Variants in PAIP2 observed in about 807,000 individuals in gnomAD.
PAIP2 encodes the protein polyadenylate-binding protein-interacting protein 2.
In PAIP2, 7 loss-of-function variants were observed where a neutral mutation model predicts 14.8. That is an observed-to-expected ratio of 0.47 (90% CI 0.27 to 0.89). The LOEUF (loss-of-function observed/expected upper bound fraction) is 0.89, where lower values mean the gene tolerates loss of function less well. Among genes scored for constraint, PAIP2 ranks in the 40% least tolerant of loss-of-function variants. The pLI is 0.13. For missense variants in PAIP2, 122 were observed against 154.7 expected, an observed-to-expected ratio of 0.79 and a Z score of 1.12; for synonymous variants, 47 against 45.3, an observed-to-expected ratio of 1.04 and a Z score of -0.15.
chr5:139,345,329 G>A (rs1338482077), intron 1 of PAIP2, among the ~76,000 whole-genome samples: 5 of 151,886 alleles, frequency 3.3e-5, no homozygotes, highest in Admixed American at 6.5e-5. Flanking sequence ...GTGAGCCACC[G>A]CGCCCAGCCC....
At chr5:139,357,612 C>G (rs1452382379) in intron 1 of PAIP2, among the ~76,000 whole-genome samples, 2 of 152,070 alleles carry the variant, frequency 1.3e-5, no homozygotes, top group East Asian at 3.9e-4. Flanking sequence ...GCGGGCGGAT[C>G]ACGAGGTCAA....
intron 1 of PAIP2, among the ~76,000 whole-genome samples, chr5:139,345,127 G>A (rs573184007): frequency 1.3e-5 from 2 of 152,026 alleles, no homozygotes; most frequent in East Asian, 3.9e-4. Context: ...CTCACTGCAC[G>A]CTCCACCTCC....
At position 139,358,736 on chromosome 5, in the gene PAIP2, A is replaced by G. The variant is rs1756988429; in HGVS notation, c.-26-5023A>G. ...ATAGGTGAACCTTGAAAACATTGTA[A>G]TAAGTGAAAGAAGCCAGACATGAGA... On this transcript the variant is annotated intron_variant, in intron 1 of 3. Transcript: ENST00000265192. Among the ~76,000 whole-genome samples, 5 of 152,232 alleles carry G rather than the reference A, an allele frequency of 3.3e-5. No individual in the cohort carries two copies. The South Asian group carries it at 1.0e-3, about 31-fold the overall frequency.
chr5:139,348,701 A>G (rs1756634106), intron 1 of PAIP2, among the ~76,000 whole-genome samples: 1 of 134,448 alleles, frequency 7.4e-6, no homozygotes. Flanking sequence ...TTTTAAAGTC[A>G]GAGTTTCACT....
intron 1 of PAIP2, among the ~76,000 whole-genome samples, chr5:139,356,119 CAG>C (rs1263523102): frequency 2.1e-5 from 3 of 144,322 alleles, no homozygotes; most frequent in African/African-American, 7.8e-5. Context: ...GCCTGGGTGA[CAG>C]AGCAAAACTC....
chr5:139,346,898 C>T (rs1756568448), intron 1 of PAIP2, among the ~76,000 whole-genome samples: 2 of 152,154 alleles, frequency 1.3e-5, no homozygotes, highest in Non-Finnish European at 1.5e-5. Flanking sequence ...CAACCTCTGC[C>T]TCCCAGGTTC....
At chr5:139,362,654 C>T (rs1162379493) in intron 1 of PAIP2, among the ~76,000 whole-genome samples, 1 of 151,946 alleles carries the variant, frequency 6.6e-6, no homozygotes, top group Admixed American at 6.6e-5. Context: ...AGGTGATCCA[C>T]CTGCCTCGGC....
intron 1 of PAIP2, 57 bp downstream of exon 1, chr5:139,342,037 A>G (rs1226828485): frequency 6.6e-6 from 1 of 152,642 alleles, no homozygotes; most frequent in African/African-American, 2.4e-5. Flanking sequence ...AGGGACAGCA[A>G]GTCGGCGACG....
intron 1 of PAIP2, among the ~76,000 whole-genome samples, chr5:139,352,499 G>GTT (rs1561959065): frequency 1.6e-5 from 2 of 128,962 alleles, no homozygotes; most frequent in Admixed American, 1.5e-4. Context: ...TTTTTTTTTT[G>GTT]TTGTTTTTTT....
At chr5:139,365,406 C>CT (rs1387373903) in intron 3 of PAIP2, among the ~76,000 whole-genome samples, 6 of 151,594 alleles carry the variant, frequency 4.0e-5, no homozygotes, top group Non-Finnish European at 7.4e-5. Context: ...AGGAGAATTG[C>CT]TTGAATCTGG....
chr5:139,361,223 A>C (rs1004020470), intron 1 of PAIP2, among the ~76,000 whole-genome samples: 5 of 152,062 alleles, frequency 3.3e-5, no homozygotes, highest in Non-Finnish European at 5.9e-5. Context: ...TTACATGAAC[A>C]GCTATGGATT....
intron 3 of PAIP2, among the ~76,000 whole-genome samples, chr5:139,366,074 G>A (rs763151998): frequency 1.3e-4 from 20 of 151,880 alleles, no homozygotes; most frequent in African/African-American, 3.6e-4. Flanking sequence ...GTGGTGGTGC[G>A]TGCCTGTAAT....
chr5:139,347,746 A>T (rs1484785275), intron 1 of PAIP2, among the ~76,000 whole-genome samples: 1 of 152,138 alleles, frequency 6.6e-6, no homozygotes, highest in African/African-American at 2.4e-5. Context: ...GTATAATAAT[A>T]ATTTTTAAAA....
At chr5:139,355,588 C>A (rs1756884551) in intron 1 of PAIP2, among the ~76,000 whole-genome samples, 1 of 152,128 alleles carries the variant, frequency 6.6e-6, no homozygotes, top group Admixed American at 6.6e-5. Flanking sequence ...GATTTGAAGT[C>A]TTTGGCCAGG....
chr5:139,356,615 T>C (rs980356151), intron 1 of PAIP2, among the ~76,000 whole-genome samples: 2 of 151,972 alleles, frequency 1.3e-5, no homozygotes, highest in Non-Finnish European at 2.9e-5. Flanking sequence ...CACGGTGACT[T>C]ACGCCTGTAA....
At chr5:139,352,536 T>G (rs1756778096) in intron 1 of PAIP2, among the ~76,000 whole-genome samples, 1 of 113,532 alleles carries the variant, frequency 8.8e-6, no homozygotes, top group Non-Finnish European at 2.0e-5. Flanking sequence ...TCGTCCTTGT[T>G]GCCCAGGCTG....
intron 1 of PAIP2, among the ~76,000 whole-genome samples, chr5:139,347,693 GTAAC>G (rs1011858788): frequency 1.3e-5 from 2 of 151,900 alleles, no homozygotes; most frequent in African/African-American, 4.8e-5. Flanking sequence ...GTATACATAT[GTAAC>G]TAACCTGCAC....
chr5:139,342,129 A>AG (rs1756396126), intron 1 of PAIP2, 149 bp downstream of exon 1: 1 of 152,098 alleles, frequency 6.6e-6, no homozygotes, highest in Non-Finnish European at 1.5e-5. Context: ...CTTTCCACCA[A>AG]GTCTGAGGGA....
intron 1 of PAIP2, among the ~76,000 whole-genome samples, chr5:139,358,348 T>G (rs926071877): frequency 6.6e-6 from 1 of 152,240 alleles, no homozygotes; most frequent in African/African-American, 2.4e-5. Flanking sequence ...ATGTGTTTAC[T>G]TTTTAAGAAA....
Sources: gnomAD v4.1 joint callset for allele counts (sites outside exome capture counted in the v4.1 genomes callset) on GRCh38, gnomAD v4.1.1 for gene constraint, MANE v1.5 for transcripts, NCBI Gene and HGNC (gene_info 2026-07-23, HGNC 2026-07-21) for gene names.